Variants in PDE1C observed in about 807,000 individuals in gnomAD.
The protein encoded by PDE1C is phosphodiesterase 1C.
Under a neutral mutation model 93.1 loss-of-function variants are expected in PDE1C, and 62 were observed. That is an observed-to-expected ratio of 0.67 (90% confidence interval 0.54 to 0.82). The LOEUF is 0.82. Ranked by LOEUF, PDE1C falls within the 40% of genes least tolerant of loss-of-function variation. PDE1C has a pLI of 0.00. For synonymous variants in PDE1C, 325 were observed against 310.1 expected, an observed-to-expected ratio of 1.05 and a Z score of -0.50; for missense variants, 742 against 884.6, an observed-to-expected ratio of 0.84 and a Z score of 2.04.
chr7:32,002,319 G>A lies in PDE1C; in HGVS notation c.128+49235C>T, dbSNP rs186118483. ...TCATAAATATCTACAGGGAGCACAC[G>A]CAGGAGAGTCCTGCTACCCAGCCAA... On this transcript the variant is annotated intron_variant, in intron 2 of 17. Transcript: ENST00000396191. 5.3e-5 allele frequency among the ~76,000 whole-genome samples: 8 copies of A among 152,276 alleles called. No homozygotes were observed. The East Asian group carries it at 9.7e-4, about 18-fold the overall frequency.
chr7:31,847,321 A>G (rs981174357), intron 9 of PDE1C, among the ~76,000 whole-genome samples: 11 of 152,180 alleles, frequency 7.2e-5, no homozygotes, highest in Admixed American at 2.0e-4. Flanking sequence ...CTGAGTCCAT[A>G]TTCAAAACAC....
At chr7:32,090,575 A>G (rs973086414) in intron 3 of PDE1C, among the ~76,000 whole-genome samples, 1 of 152,210 alleles carries the variant, frequency 6.6e-6, no homozygotes, top group African/African-American at 2.4e-5. Flanking sequence ...TTGTTTTAGG[A>G]AAACCCAGAT....
At chr7:31,713,782 C>T in the PDE1C span, among the ~76,000 whole-genome samples, 1 of 152,232 alleles carries the variant, frequency 6.6e-6, no homozygotes, top group Admixed American at 6.5e-5. Flanking sequence ...GGCTTGCACT[C>T]TCTGAAGCCA....
chr7:32,025,345 G>A (rs1019812197), intron 2 of PDE1C, among the ~76,000 whole-genome samples: 1 of 152,178 alleles, frequency 6.6e-6, no homozygotes, highest in African/African-American at 2.4e-5. Context: ...CCAGGGTCCA[G>A]ATGGGTGTAG....
intron 2 of PDE1C, among the ~76,000 whole-genome samples, chr7:32,000,005 C>T (rs1273841134): frequency 6.6e-6 from 1 of 152,126 alleles, no homozygotes; most frequent in Non-Finnish European, 1.5e-5. Context: ...CTGCCACTAC[C>T]TATGGCACAA....
chr7:31,850,682 G>A lies in PDE1C; in HGVS notation c.810C>T (p.Tyr270=), dbSNP rs375192379. The A allele has an allele frequency of 1.6e-5, 26 of 1,613,432 alleles. No individual in the cohort carries two copies. Among genetic ancestry groups the A allele is most frequent in the Non-Finnish European group, 1.9e-5 (23 of 1,179,508 alleles). ...AATTGTTGGTGGTTCCGGTATGCTC[G>A]TAGTCATGGATGGCAGCTGAGAAGA... The part of the protein sequence containing the change: ...AIIFSAAIHD[Y]EHTGTTNNFH... The change falls in exon 8 of 18, where the codon TAC becomes TAT. Residue 270 remains tyrosine, a synonymous_variant. Transcript: ENST00000396191.
chr7:32,376,908 C>T (rs924554829), intron 1 of PDE1C, among the ~76,000 whole-genome samples: 2 of 152,050 alleles, frequency 1.3e-5, no homozygotes, highest in African/African-American at 4.8e-5. Context: ...AGGATGGTCT[C>T]GATCTCCTGA....
chr7:31,917,590 T>C (rs1802085590), intron 2 of PDE1C, among the ~76,000 whole-genome samples: 1 of 152,102 alleles, frequency 6.6e-6, no homozygotes, highest in African/African-American at 2.4e-5. Flanking sequence ...AATTGCTTTT[T>C]CTTATAGCAA....
At chr7:32,180,491 T>C (rs977061913) in intron 2 of PDE1C, among the ~76,000 whole-genome samples, 1 of 152,152 alleles carries the variant, frequency 6.6e-6, no homozygotes, top group Non-Finnish European at 1.5e-5. Context: ...AGGACTCTGG[T>C]TCCCTTTTGT....
chr7:31,706,919 A>G, the PDE1C span, among the ~76,000 whole-genome samples: 3 of 152,228 alleles, frequency 2.0e-5, no homozygotes, highest in Non-Finnish European at 2.9e-5. Flanking sequence ...CCATCCCGCC[A>G]TGCTGCAAGC....
intron 16 of PDE1C, among the ~76,000 whole-genome samples, chr7:31,797,341 G>T (rs866180669): frequency 6.6e-6 from 1 of 151,752 alleles, no homozygotes; most frequent in African/African-American, 2.4e-5. Flanking sequence ...ATAGAAGGCT[G>T]CAGTGGGATA....
At chr7:31,672,275 C>G in the PDE1C span, among the ~76,000 whole-genome samples, 1 of 152,094 alleles carries the variant, frequency 6.6e-6, no homozygotes, top group African/African-American at 2.4e-5. Flanking sequence ...TTTTTCAAAA[C>G]GTTATTATGG....
intron 3 of PDE1C, among the ~76,000 whole-genome samples, chr7:32,097,821 T>C (rs963979772): frequency 1.3e-5 from 2 of 152,060 alleles, no homozygotes; most frequent in African/African-American, 2.4e-5. Flanking sequence ...ATTAATGAGA[T>C]TAACGAAAGT....
At chr7:31,820,090 G>A (rs184440195) in intron 14 of PDE1C, among the ~76,000 whole-genome samples, 28 of 151,982 alleles carry the variant, frequency 1.8e-4, no homozygotes, top group African/African-American at 6.3e-4. Flanking sequence ...ATATGTAAAC[G>A]AATCATATAC....
At chr7:31,642,240 G>A in the PDE1C span, 1 of 1,554,362 alleles carries the variant, frequency 6.4e-7, no homozygotes, top group South Asian at 1.2e-5. Context: ...AGGAGCCGCT[G>A]GAACCGCTGC....
At chr7:31,768,366 A>G (rs1240945089) in intron 17 of PDE1C, among the ~76,000 whole-genome samples, 1 of 152,182 alleles carries the variant, frequency 6.6e-6, no homozygotes, top group Non-Finnish European at 1.5e-5. Context: ...TGGACTGACA[A>G]GCATAATATC....
At chr7:32,117,760 C>T (rs976963632) in intron 3 of PDE1C, among the ~76,000 whole-genome samples, 2 of 152,200 alleles carry the variant, frequency 1.3e-5, no homozygotes, top group Admixed American at 6.5e-5. Context: ...CTACTGCTCA[C>T]TTTTCTTTCC....
Position 31,753,205 on chromosome 7 carries a change from A to G in PDE1C, c.*179T>C. The G allele has an allele frequency of 1.4e-6, 1 of 732,606 alleles. No homozygotes were observed. The highest frequency in any genetic ancestry group is 1.8e-5 in the African/African-American group (1 of 56,634). 45.4% of individuals were successfully genotyped at this position (732,606 alleles called of 1,614,324 possible). On this transcript the variant is annotated 3_prime_UTR_variant, in exon 18 of 18. Coordinates refer to ENST00000396191, the MANE Select transcript of PDE1C (RefSeq NM_001191057.4). ...CACATACAGCAATTGAAAAGTCTAT[A>G]CAAGAACAACAAAGAGGAAAATCAC...
At chr7:32,074,812 T>C (rs1338679996), upstream of PDE1C, among the ~76,000 whole-genome samples, 3 of 152,040 alleles carry the variant, frequency 2.0e-5, no homozygotes, top group African/African-American at 2.4e-5. Flanking sequence ...CACAGAAACA[T>C]GGTAACGGGT....
Sources: gnomAD v4.1 joint callset for allele counts (sites outside exome capture counted in the v4.1 genomes callset) on GRCh38, gnomAD v4.1.1 for gene constraint, MANE v1.5 for transcripts, NCBI Gene and HGNC (gene_info 2026-07-23, HGNC 2026-07-21) for gene names.